VTI1A: variants seen among roughly 807,000 people sequenced by gnomAD.
The protein encoded by VTI1A is vesicle transport through interaction with t-SNAREs homolog 1A.
Under a neutral mutation model 34.9 loss-of-function variants are expected in VTI1A, and 22 were observed. That is an observed-to-expected ratio of 0.63 (90% CI 0.45 to 0.90). VTI1A has a LOEUF of 0.90. Among genes scored for constraint, VTI1A ranks in the 40% least tolerant of loss-of-function variants. VTI1A has a pLI of 0.00. For synonymous variants in VTI1A, 87 were observed against 97.3 expected (o/e 0.89, Z 0.62); for missense variants, 268 against 275.6 (o/e 0.97, Z 0.20).
intron 5 of VTI1A, among the ~76,000 whole-genome samples, chr10:112,596,388 A>G (rs1844646784): frequency 6.6e-6 from 1 of 152,164 alleles, no homozygotes; most frequent in Non-Finnish European, 1.5e-5. Context: ...GCTTTGAAAA[A>G]CATTAACGGC....
At chr10:112,640,811 G>A (rs1249494000) in intron 5 of VTI1A, among the ~76,000 whole-genome samples, 1 of 152,186 alleles carries the variant, frequency 6.6e-6, no homozygotes, top group African/African-American at 2.4e-5. Context: ...GTGTATAAGA[G>A]AGGAGTAGCC....
At chr10:112,626,225 A>G (rs985906180) in intron 5 of VTI1A, among the ~76,000 whole-genome samples, 13 of 152,340 alleles carry the variant, frequency 8.5e-5, no homozygotes, top group African/African-American at 2.9e-4. Flanking sequence ...CGGAGGTCAC[A>G]TAACAGTAGA....
downstream of VTI1A, among the ~76,000 whole-genome samples, chr10:112,823,301 C>G (rs1853687016): frequency 6.6e-6 from 1 of 152,140 alleles, no homozygotes; most frequent in African/African-American, 2.4e-5. Context: ...TCGGGGCCGA[C>G]TTGGAGGATT....
chr10:112,625,321 T>C (rs987632776), intron 5 of VTI1A, among the ~76,000 whole-genome samples: 6 of 152,080 alleles, frequency 3.9e-5, no homozygotes, highest in Non-Finnish European at 8.8e-5. Flanking sequence ...TGGAGACTAT[T>C]ATTCTAAGTG....
At chr10:112,626,647 T>G (rs1845934634) in intron 5 of VTI1A, among the ~76,000 whole-genome samples, 1 of 151,938 alleles carries the variant, frequency 6.6e-6, no homozygotes, top group South Asian at 2.1e-4. Context: ...CTCTAGCCGC[T>G]TACAAAGGAG....
intron 3 of VTI1A, among the ~76,000 whole-genome samples, chr10:112,525,331 G>A (rs1445876239): frequency 6.6e-6 from 1 of 152,144 alleles, no homozygotes; most frequent in African/African-American, 2.4e-5. Flanking sequence ...TGGGGTTTAG[G>A]GTGGAGACTC....
chr10:112,488,732 T>G (rs1430211753), intron 3 of VTI1A, among the ~76,000 whole-genome samples: 1 of 152,168 alleles, frequency 6.6e-6, no homozygotes, highest in African/African-American at 2.4e-5. Context: ...TTGTGGAATA[T>G]TATGTTTGGA....
At chr10:112,818,748 T>C (rs1853594214), downstream of VTI1A, 1 of 191,086 alleles carries the variant, frequency 5.2e-6, no homozygotes. Context: ...GGGCTAATGA[T>C]TTGTTTATCG....
the VTI1A span, among the ~76,000 whole-genome samples, chr10:112,852,763 G>A: frequency 2.6e-5 from 4 of 152,054 alleles, no homozygotes; most frequent in African/African-American, 7.2e-5. Flanking sequence ...TGTCTTTCTT[G>A]GTTTTGTTTT....
intron 7 of VTI1A, among the ~76,000 whole-genome samples, chr10:112,726,163 C>T (rs1287675902): frequency 6.6e-6 from 1 of 152,190 alleles, no homozygotes; most frequent in Non-Finnish European, 1.5e-5. Flanking sequence ...TCCCTCCCCA[C>T]ACAGTCTTAT....
chr10:112,595,459 T>G (rs1304591027), intron 5 of VTI1A, among the ~76,000 whole-genome samples: 4 of 151,642 alleles, frequency 2.6e-5, no homozygotes, highest in African/African-American at 2.4e-5. Flanking sequence ...TCAAACAAAT[T>G]TACAAGAAAA....
chr10:112,713,148 A>C (rs774803330), intron 7 of VTI1A, among the ~76,000 whole-genome samples: 1 of 152,156 alleles, frequency 6.6e-6, no homozygotes. Context: ...CCCATGGTCC[A>C]TATGAAAGAC....
At chr10:112,663,609 C>G (rs750314076) in intron 5 of VTI1A, among the ~76,000 whole-genome samples, 15 of 152,172 alleles carry the variant, frequency 9.9e-5, no homozygotes, top group Non-Finnish European at 1.8e-4. Context: ...AAAGGCTCTT[C>G]ATGCCTGAGT....
chr10:112,454,731 G>A (rs1847370396), intron 1 of VTI1A, among the ~76,000 whole-genome samples: 1 of 151,066 alleles, frequency 6.6e-6, no homozygotes, highest in Admixed American at 6.6e-5. Flanking sequence ...AAAAAAAAGT[G>A]GGAGACTGTT....
chr10:112,770,627 C>T (rs183398883), intron 7 of VTI1A, among the ~76,000 whole-genome samples: 12 of 151,630 alleles, frequency 7.9e-5, no homozygotes, highest in Admixed American at 3.3e-4. Context: ...AGGAAGGTCT[C>T]GATCTCCTGA....
At chr10:112,801,521 C>T (rs1043670850) in intron 7 of VTI1A, among the ~76,000 whole-genome samples, 1 of 152,182 alleles carries the variant, frequency 6.6e-6, no homozygotes, top group African/African-American at 2.4e-5. Context: ...TTCCCAGATT[C>T]GCACAGTGAG....
At chr10:112,546,724 TTC>T (rs1851145288) in intron 5 of VTI1A, among the ~76,000 whole-genome samples, 3 of 152,158 alleles carry the variant, frequency 2.0e-5, no homozygotes, top group Non-Finnish European at 4.4e-5. Context: ...CATATCTTGT[TTC>T]ATTAGGGAAA....
intron 7 of VTI1A, among the ~76,000 whole-genome samples, chr10:112,803,576 C>T (rs932293607): frequency 2.0e-5 from 3 of 152,230 alleles, no homozygotes; most frequent in African/African-American, 7.2e-5. Flanking sequence ...ATCTCTTCCC[C>T]TCTCACAGCC....
chr10:112,630,851 G>A (rs763795601), intron 5 of VTI1A, among the ~76,000 whole-genome samples: 6 of 152,186 alleles, frequency 3.9e-5, no homozygotes, highest in Non-Finnish European at 8.8e-5. Context: ...GCCAAGTGCG[G>A]TGGCTCATGC....
Sources: gnomAD v4.1 joint callset for allele counts (sites outside exome capture counted in the v4.1 genomes callset) on GRCh38, gnomAD v4.1.1 for gene constraint, MANE v1.5 for transcripts, NCBI Gene and HGNC (gene_info 2026-07-23, HGNC 2026-07-21) for gene names.